Variants in IPO9 observed in about 807,000 individuals in gnomAD.
The protein encoded by IPO9 is importin-9.
IPO9 carries 28 observed loss-of-function variants against 128.6 expected under a neutral mutation model. That is an observed-to-expected ratio of 0.22 (90% CI 0.16 to 0.30). The LOEUF (loss-of-function observed/expected upper bound fraction) is 0.30. Among genes scored for constraint, IPO9 ranks in the 10% least tolerant of loss-of-function variants. The pLI, the probability that IPO9 is intolerant of heterozygous loss-of-function variation, is 1.00. For missense variants in IPO9, 935 were observed against 1,293.9 expected (o/e 0.72, Z 4.26); for synonymous variants, 455 against 475.8 (o/e 0.96, Z 0.57).
At chr1:201,833,882 CT>C (rs1376744024) in intron 1 of IPO9, among the ~76,000 whole-genome samples, 1 of 152,132 alleles carries the variant, frequency 6.6e-6, no homozygotes, top group Non-Finnish European at 1.5e-5. Flanking sequence ...AACTCCTGGG[CT>C]TACGCAGTCC....
At chr1:201,833,426 A>G (rs2176480) in intron 1 of IPO9, among the ~76,000 whole-genome samples, 1,668 of 151,982 alleles carry the variant, frequency 0.011, 33 homozygotes, top group African/African-American at 0.038. Context: ...TTTAGTAGAG[A>G]TGGAGTTTCA....
intron 3 of IPO9, among the ~76,000 whole-genome samples, chr1:201,848,125 A>G (rs916125090): frequency 2.6e-5 from 4 of 152,224 alleles, no homozygotes; most frequent in African/African-American, 9.6e-5. Flanking sequence ...AGCACTTAAA[A>G]TGGGGCTAGT....
Position 201,882,443 on chromosome 1 carries a change from A to C in IPO9, c.*6389A>C, listed in dbSNP as rs1374414948. On this transcript the variant is annotated 3_prime_UTR_variant, in exon 24 of 24. Transcript: ENST00000361565. Reference sequence around the variant, plus strand: ...CGACACTCTGCCTCAAAAAAAAAAAAAAACAAAAAAAAAAACAAGTTTTGT... The same window carrying C: ...CGACACTCTGCCTCAAAAAAAAAAACAAACAAAAAAAAAAACAAGTTTTGT... The C allele has an allele frequency of 3.0e-5, 4 of 131,734 alleles. No individual in the cohort carries two copies. The highest frequency in any genetic ancestry group is 1.2e-4 in the African/African-American group (3 of 24,668). 8.2% of individuals were successfully genotyped at this position (131,734 alleles called of 1,614,324 possible).
intron 1 of IPO9, among the ~76,000 whole-genome samples, chr1:201,843,829 A>C (rs78865140): frequency 1.4e-4 from 11 of 76,608 alleles, no homozygotes; most frequent in African/African-American, 4.3e-4. Flanking sequence ...TTCTGTCTCA[A>C]AAAAAAAAAA....
In IPO9 at chr1:201,848,682, C is replaced by T; in HGVS notation, c.514+88C>T. Reference sequence around the variant, plus strand: ...AAGCTATGTGATATAATGGCCTGGACCAGTAGGAATTGCTGCTGATGTTAT... The same window carrying T: ...AAGCTATGTGATATAATGGCCTGGATCAGTAGGAATTGCTGCTGATGTTAT... On this transcript the variant is annotated intron_variant, in intron 4 of 23. Coordinates refer to ENST00000361565, the MANE Select transcript of IPO9 (RefSeq NM_018085.5). 2.3e-6 allele frequency: 3 copies of T among 1,294,476 alleles called. No individual in the cohort carries two copies. The East Asian group carries it at 7.0e-5, about 30-fold the overall frequency. 80.2% of individuals were successfully genotyped at this position (1,294,476 alleles called of 1,614,324 possible).
intron 1 of IPO9, among the ~76,000 whole-genome samples, chr1:201,841,609 A>G (rs189059227): frequency 2.8e-4 from 42 of 152,338 alleles, no homozygotes; most frequent in African/African-American, 8.7e-4. Flanking sequence ...ATTCTCCACT[A>G]AAAGACAGCA....
chr1:201,848,934 T>C (rs1451286953), intron 4 of IPO9, among the ~76,000 whole-genome samples: 2 of 152,182 alleles, frequency 1.3e-5, no homozygotes, highest in African/African-American at 4.8e-5. Flanking sequence ...ATTAAGATGA[T>C]AGTAGTGTCT....
chr1:201,847,781 G>A lies in IPO9; in HGVS notation c.312+143G>A, dbSNP rs1016523022. 1.9e-5 allele frequency: 12 copies of A among 646,198 alleles called. No homozygotes were observed. In the African/African-American group the frequency reaches 2.0e-4, roughly 11 times the overall value. 40.0% of individuals were successfully genotyped at this position (646,198 alleles called of 1,614,324 possible). On this transcript the variant is annotated intron_variant, in intron 3 of 23. Transcript: ENST00000361565. ...TGGTGGCTGGCATTGCGGGCATAGG[G>A]CTATACATTAAAGAGCTCAAGTATC...
At chr1:201,858,337 A>G (rs1680373309) in intron 11 of IPO9, 110 bp from the exon 12 acceptor site, 1 of 528,722 alleles carries the variant, frequency 1.9e-6, no homozygotes, top group Non-Finnish European at 3.4e-6. Context: ...TTGCACATGT[A>G]TGTGAAAGAG....
rs1327286328 is a variant in IPO9, at chr1:201,849,105, G to A, written c.514+511G>A. On this transcript the variant is annotated intron_variant, in intron 4 of 23. Coordinates refer to ENST00000361565, the MANE Select transcript of IPO9 (RefSeq NM_018085.5). Reference sequence around the variant, plus strand: ...AAGAATTGTAAAATGGATTTTTATAGAAGTATTTAAAAAGAAGATAAAAAC... The same window carrying A: ...AAGAATTGTAAAATGGATTTTTATAAAAGTATTTAAAAAGAAGATAAAAAC... Among the ~76,000 whole-genome samples the A allele has an allele frequency of 2.0e-5, 3 of 152,150 alleles. No individual in the cohort carries two copies. In the East Asian group the frequency reaches 5.8e-4, roughly 29 times the overall value.
At chr1:201,863,717 T>C in intron 14 of IPO9, 110 bp downstream of exon 14, 4 of 994,368 alleles carry the variant, frequency 4.0e-6, no homozygotes, top group East Asian at 2.6e-5. Context: ...GCTAATGATA[T>C]CCTTCAGGGT....
At chr1:201,872,097 T>A (rs1192402555) in intron 19 of IPO9, among the ~76,000 whole-genome samples, 1 of 152,094 alleles carries the variant, frequency 6.6e-6, no homozygotes, top group Non-Finnish European at 1.5e-5. Context: ...TAGCTGGATG[T>A]GGTTGTGGGT....
intron 1 of IPO9, among the ~76,000 whole-genome samples, chr1:201,839,057 C>T (rs1488892303): frequency 1.3e-5 from 2 of 151,484 alleles, no homozygotes; most frequent in East Asian, 2.0e-4. Context: ...GTAGCTGGGA[C>T]TACAGGCGCC....
intron 14 of IPO9, among the ~76,000 whole-genome samples, chr1:201,865,410 G>C (rs1370229250): frequency 6.6e-6 from 1 of 151,930 alleles, no homozygotes; most frequent in East Asian, 1.9e-4. Context: ...GTTTTTCCAT[G>C]TTGGTCAGGC....
intron 1 of IPO9, among the ~76,000 whole-genome samples, chr1:201,830,800 T>G (rs1303680452): frequency 1.3e-5 from 2 of 152,188 alleles, no homozygotes; most frequent in African/African-American, 4.8e-5. Flanking sequence ...CTTCCCTGAG[T>G]GGTACCCAGT....
intron 12 of IPO9, 21 bp from the exon 13 acceptor site, chr1:201,858,834 G>A (rs747660193): frequency 3.2e-6 from 5 of 1,583,942 alleles, no homozygotes; most frequent in Non-Finnish European, 3.5e-6. Context: ...TGTTTTACTA[G>A]GCTGTAGTAT....
rs572648844 is a variant in IPO9, at chr1:201,858,374, T to C, written c.1222-73T>C. The C allele has an allele frequency of 2.0e-5, 15 of 765,188 alleles. No individual in the cohort carries two copies. The East Asian group carries it at 3.7e-4, about 19-fold the overall frequency. 47.4% of individuals were successfully genotyped at this position (765,188 alleles called of 1,614,324 possible). ...TTGAACCAATCACTTCTAACAGTCA[T>C]GACTGAAGCGGTTTACAATTAAAAT... is the stretch of plus-strand genomic sequence containing the variant. On this transcript the variant is annotated intron_variant, in intron 11 of 23. Transcript: ENST00000361565.
intron 4 of IPO9, among the ~76,000 whole-genome samples, chr1:201,851,392 A>G (rs1354659492): frequency 6.6e-6 from 1 of 151,746 alleles, no homozygotes; most frequent in African/African-American, 2.4e-5. Context: ...CAAGAGCTTT[A>G]TTCTGCTGCT....
chr1:201,858,594 C>A, intron 12 of IPO9, 41 bp downstream of exon 12: 1 of 1,179,484 alleles, frequency 8.5e-7, no homozygotes, highest in Non-Finnish European at 1.2e-6. Flanking sequence ...CTTTTGTTTA[C>A]CCCTTCTTAA....
Sources: allele counts gnomAD v4.1 joint callset (sites outside exome capture counted in the v4.1 genomes callset), GRCh38; gene constraint gnomAD v4.1.1; transcripts MANE v1.5; gene names NCBI Gene and HGNC (gene_info 2026-07-23, HGNC 2026-07-21).